GPC6: variants seen among roughly 807,000 people sequenced by gnomAD.
GPC6 encodes glypican 6, also known as glypican-6.
GPC6 carries 14 observed loss-of-function variants against 55.2 expected under a neutral mutation model. The ratio of observed to expected loss-of-function variants is 0.25; its 90% confidence interval spans 0.17 to 0.40. The LOEUF (loss-of-function observed/expected upper bound fraction) is 0.40. GPC6 is among the 10% of genes least tolerant of loss of function. The pLI is 1.00. For synonymous variants in GPC6, 278 were observed against 259.6 expected, an observed-to-expected ratio of 1.07 and a Z score of -0.68; for missense variants, 641 against 708.5, an observed-to-expected ratio of 0.90 and a Z score of 1.08.
At chr13:94,152,272 T>C (rs1228853927) in intron 4 of GPC6, among the ~76,000 whole-genome samples, 4 of 152,194 alleles carry the variant, frequency 2.6e-5, no homozygotes, top group African/African-American at 9.6e-5. Context: ...TCCAAAGTTC[T>C]TGACTTACTA....
At chr13:93,532,672 C>T (rs570544370) in intron 1 of GPC6, among the ~76,000 whole-genome samples, 6 of 152,244 alleles carry the variant, frequency 3.9e-5, no homozygotes, top group African/African-American at 1.4e-4. Context: ...ATCACACCTT[C>T]TTCTATGCTC....
chr13:93,410,444 A>G (rs1876454560), intron 1 of GPC6, among the ~76,000 whole-genome samples: 1 of 152,124 alleles, frequency 6.6e-6, no homozygotes, highest in South Asian at 2.1e-4. Context: ...GGGTACTAAT[A>G]GGGATATTAT....
intron 1 of GPC6, among the ~76,000 whole-genome samples, chr13:93,441,613 A>C (rs1487440884): frequency 1.3e-5 from 2 of 152,112 alleles, no homozygotes; most frequent in Non-Finnish European, 2.9e-5. Context: ...AGATGGGTAG[A>C]TTGTAAAAAT....
intron 2 of GPC6, among the ~76,000 whole-genome samples, chr13:93,658,778 T>C (rs546281644): frequency 2.6e-5 from 4 of 151,740 alleles, no homozygotes; most frequent in African/African-American, 9.7e-5. Context: ...TTAATTTTGC[T>C]AATATTTTGT....
intron 2 of GPC6, among the ~76,000 whole-genome samples, chr13:93,636,017 A>G (rs187558995): frequency 6.6e-6 from 1 of 151,856 alleles, no homozygotes; most frequent in African/African-American, 2.4e-5. Context: ...TAATTCTAAC[A>G]CCCTTGAGAG....
intron 4 of GPC6, among the ~76,000 whole-genome samples, chr13:94,069,186 G>A (rs1339022539): frequency 1.3e-5 from 2 of 152,082 alleles, no homozygotes; most frequent in Non-Finnish European, 2.9e-5. Flanking sequence ...GTACTTGCAG[G>A]CTCAACACCA....
chr13:94,083,077 C>T (rs574389053), intron 4 of GPC6, among the ~76,000 whole-genome samples: 4 of 152,258 alleles, frequency 2.6e-5, no homozygotes, highest in African/African-American at 9.6e-5. Flanking sequence ...CTTCTCTGAC[C>T]TATCACTCTG....
chr13:93,687,364 A>G (rs1882087993), intron 2 of GPC6, among the ~76,000 whole-genome samples: 1 of 152,122 alleles, frequency 6.6e-6, no homozygotes, highest in Non-Finnish European at 1.5e-5. Flanking sequence ...AAGTAATGGC[A>G]TTACATAAAT....
At chr13:93,443,264 T>G (rs1374422086) in intron 1 of GPC6, among the ~76,000 whole-genome samples, 1 of 152,216 alleles carries the variant, frequency 6.6e-6, no homozygotes. Context: ...ATATTTGATG[T>G]ATGGAGTCAC....
chr13:93,491,597 C>T (rs12385891), intron 1 of GPC6, among the ~76,000 whole-genome samples: 5 of 144,810 alleles, frequency 3.5e-5, no homozygotes, highest in Non-Finnish European at 4.5e-5. Context: ...TCCTTGCCCA[C>T]GCCTGTGTCC....
intron 3 of GPC6, among the ~76,000 whole-genome samples, chr13:93,833,588 A>G (rs542276016): frequency 7.9e-5 from 12 of 151,806 alleles, no homozygotes; most frequent in African/African-American, 2.7e-4. Context: ...TTTTCTCTTC[A>G]GTTTCTCTCT....
At chr13:93,825,947 G>A (rs747736237) in intron 2 of GPC6, among the ~76,000 whole-genome samples, 7 of 139,598 alleles carry the variant, frequency 5.0e-5, no homozygotes, top group Non-Finnish European at 9.1e-5. Context: ...TGCAACCTCC[G>A]CTTCCTGGGT....
At chr13:93,289,513 G>A (rs1405313948) in intron 1 of GPC6, among the ~76,000 whole-genome samples, 1 of 151,974 alleles carries the variant, frequency 6.6e-6, no homozygotes, top group African/African-American at 2.4e-5. Flanking sequence ...ATAATGCAAT[G>A]CAGAACAATT....
At chr13:93,762,875 G>A (rs141699764) in intron 2 of GPC6, among the ~76,000 whole-genome samples, 45 of 152,296 alleles carry the variant, frequency 3.0e-4, no homozygotes, top group Middle Eastern at 3.4e-3. Flanking sequence ...AATTCTGCAC[G>A]TAGGTAATTA....
intron 3 of GPC6, among the ~76,000 whole-genome samples, chr13:93,921,256 C>T (rs968224494): frequency 6.6e-6 from 1 of 152,114 alleles, no homozygotes; most frequent in African/African-American, 2.4e-5. Flanking sequence ...CTTTTTGGCT[C>T]CGGCCCCACA....
At chr13:93,224,704 C>G (rs1162252422), upstream of GPC6, among the ~76,000 whole-genome samples, 3 of 152,154 alleles carry the variant, frequency 2.0e-5, no homozygotes, top group African/African-American at 7.2e-5. Flanking sequence ...GTCTAGGCTC[C>G]TGCTGTGGCT....
chr13:93,336,813 C>T (rs1373789553), intron 1 of GPC6, among the ~76,000 whole-genome samples: 2 of 152,022 alleles, frequency 1.3e-5, no homozygotes, highest in Non-Finnish European at 2.9e-5. Context: ...GGCATCCTCA[C>T]TTGGTGGTAG....
intron 3 of GPC6, among the ~76,000 whole-genome samples, chr13:93,884,308 C>T (rs1875191543): frequency 6.6e-6 from 1 of 152,066 alleles, no homozygotes; most frequent in Admixed American, 6.6e-5. Flanking sequence ...ATATGCCTAT[C>T]GTTTCTGTAG....
chr13:93,763,092 G>A (rs1321251500), intron 2 of GPC6, among the ~76,000 whole-genome samples: 2 of 152,132 alleles, frequency 1.3e-5, no homozygotes, highest in East Asian at 3.9e-4. Flanking sequence ...TTCATGATAG[G>A]ATAATCAATA....
Sources: allele counts gnomAD v4.1 joint callset (sites outside exome capture counted in the v4.1 genomes callset), GRCh38; gene constraint gnomAD v4.1.1; transcripts MANE v1.5; gene names NCBI Gene and HGNC (gene_info 2026-07-23, HGNC 2026-07-21).